AFTPH: variants seen among roughly 807,000 people sequenced by gnomAD.
AFTPH encodes the protein aftiphilin protein.
A neutral mutation model predicts 72.5 loss-of-function variants in AFTPH; 7 were observed. The ratio of observed to expected loss-of-function variants is 0.10; its 90% CI spans 0.05 to 0.18. The LOEUF (loss-of-function observed/expected upper bound fraction) is 0.18, where lower values mean the gene tolerates loss of function less well. Among genes scored for constraint, AFTPH ranks in the 10% least tolerant of loss-of-function variants. AFTPH has a pLI of 1.00. For missense variants in AFTPH, 979 were observed against 1,060.5 expected (o/e 0.92, Z 1.07); for synonymous variants, 337 against 370.1 (o/e 0.91, Z 1.03).
intron 2 of AFTPH, among the ~76,000 whole-genome samples, chr2:64,554,376 T>G (rs1250861790): frequency 6.6e-6 from 1 of 152,230 alleles, no homozygotes; most frequent in Non-Finnish European, 1.5e-5. Context: ...TGAACCTCAC[T>G]GCCTTATACT....
intron 2 of AFTPH, among the ~76,000 whole-genome samples, chr2:64,553,715 A>C (rs962587231): frequency 4.0e-5 from 6 of 151,668 alleles, no homozygotes; most frequent in Middle Eastern, 3.2e-3. Flanking sequence ...AAAAAAAAAA[A>C]AAAACCCACA....
chr2:64,560,905 C>T (rs935735763), intron 2 of AFTPH, among the ~76,000 whole-genome samples: 1 of 152,112 alleles, frequency 6.6e-6, no homozygotes, highest in African/African-American at 2.4e-5. Flanking sequence ...AATAGGGAGG[C>T]AAATCAGAAT....
At chr2:64,549,828 A>G (rs775266721) in intron 1 of AFTPH, among the ~76,000 whole-genome samples, 2 of 152,240 alleles carry the variant, frequency 1.3e-5, no homozygotes, top group Non-Finnish European at 2.9e-5. Context: ...ATACACCAAA[A>G]TAAGTTCTAG....
At chr2:64,564,690 T>A (rs1189684655) in intron 2 of AFTPH, among the ~76,000 whole-genome samples, 1 of 152,148 alleles carries the variant, frequency 6.6e-6, no homozygotes, top group Non-Finnish European at 1.5e-5. Flanking sequence ...TAGCCCTCTA[T>A]TGAAGTGTTA....
intron 1 of AFTPH, among the ~76,000 whole-genome samples, chr2:64,534,742 G>GT (rs70937351): frequency 0.025 from 3,542 of 139,980 alleles, 54 homozygotes; most frequent in Non-Finnish European, 0.036. Context: ...CTTTAAGCTT[G>GT]TTTTTTTTTT....
At position 64,541,966 on chromosome 2, in the gene AFTPH, A is replaced by G. The variant is rs142589530; in HGVS notation, c.-32-9477A>G. The stretch of plus-strand genomic sequence containing the variant: ...TACAGTTGTTTTTCTTCTCCCTTTT[A>G]TCACCATCCTTCTTTCTACAATATC... On this transcript the variant is annotated intron_variant, in intron 1 of 8. Coordinates refer to ENST00000238856, the Ensembl canonical transcript of AFTPH. Among the ~76,000 whole-genome samples the G allele has an allele frequency of 1.5e-3, 235 of 152,252 alleles. 1 individual carries two copies. Among genetic ancestry groups the G allele is most frequent in the African/African-American group, 3.8e-3 (159 of 41,540 alleles).
chr2:64,589,450 G>A (rs1412803522), intron 8 of AFTPH, among the ~76,000 whole-genome samples: 2 of 152,072 alleles, frequency 1.3e-5, no homozygotes, highest in East Asian at 1.9e-4. Flanking sequence ...TCAAAATTAG[G>A]TCACTGCCTT....
intron 2 of AFTPH, among the ~76,000 whole-genome samples, chr2:64,560,603 T>C (rs905590068): frequency 2.0e-5 from 3 of 152,174 alleles, no homozygotes; most frequent in African/African-American, 7.2e-5. Flanking sequence ...CCGGGCATGG[T>C]GGCTCATGCC....
chr2:64,551,858 G>A, exon 2 of AFTPH: 1 of 1,613,800 alleles, frequency 6.2e-7, no homozygotes, highest in Non-Finnish European at 8.5e-7. Flanking sequence ...TTGATGGCAT[G>A]GAAAGACCAG....
intron 5 of AFTPH, among the ~76,000 whole-genome samples, chr2:64,571,274 T>C (rs1174946990): frequency 6.1e-5 from 7 of 115,256 alleles, no homozygotes; most frequent in Non-Finnish European, 7.8e-5. Context: ...CCCACCCCCC[T>C]GTTTCTTTTT....
At chr2:64,576,511 TTGTG>T (rs767885083) in intron 6 of AFTPH, among the ~76,000 whole-genome samples, 4 of 152,238 alleles carry the variant, frequency 2.6e-5, no homozygotes, top group African/African-American at 4.8e-5. Context: ...TTTTTTGGGA[TTGTG>T]TGTGTGTTTT....
exon 2 of AFTPH, chr2:64,551,753 T>G: frequency 1.2e-6 from 2 of 1,613,768 alleles, no homozygotes; most frequent in Middle Eastern, 1.7e-4. Flanking sequence ...AGGACATCAC[T>G]GCTGAACTTT....
At chr2:64,527,892 G>T (rs1669375077) in intron 1 of AFTPH, among the ~76,000 whole-genome samples, 1 of 152,168 alleles carries the variant, frequency 6.6e-6, no homozygotes, top group Non-Finnish European at 1.5e-5. Flanking sequence ...TAGGGTAGGG[G>T]CTCATAGGTC....
intron 5 of AFTPH, 105 bp downstream of exon 5, chr2:64,569,784 G>A: frequency 9.6e-7 from 1 of 1,045,146 alleles, no homozygotes; most frequent in Non-Finnish European, 1.5e-6. Context: ...GACATTTAGT[G>A]TTGGAATCTG....
intron 2 of AFTPH, among the ~76,000 whole-genome samples, chr2:64,558,697 T>A (rs1281355420): frequency 6.6e-6 from 1 of 152,262 alleles, no homozygotes; most frequent in African/African-American, 2.4e-5. Flanking sequence ...GCATAATTTA[T>A]TGCTGTGCAT....
intron 6 of AFTPH, among the ~76,000 whole-genome samples, chr2:64,573,450 AAAG>A (rs1312215516): frequency 2.0e-5 from 3 of 151,654 alleles, no homozygotes; most frequent in African/African-American, 7.3e-5. Flanking sequence ...AAAAAAAAGA[AAAG>A]AAAAAAGGAA....
chr2:64,551,701 A>C (rs751481450), exon 2 of AFTPH: 1 of 1,613,900 alleles, frequency 6.2e-7, no homozygotes, highest in Admixed American at 1.7e-5. Context: ...GAAAATGTAG[A>C]TAGCCTTACA....
At chr2:64,582,350 C>T (rs900884739) in intron 7 of AFTPH, among the ~76,000 whole-genome samples, 2 of 152,118 alleles carry the variant, frequency 1.3e-5, no homozygotes, top group Admixed American at 1.3e-4. Context: ...AACCTGGGAC[C>T]TAGGATGCCC....
At chr2:64,526,204 G>A (rs1280834032) in intron 1 of AFTPH, among the ~76,000 whole-genome samples, 1 of 152,188 alleles carries the variant, frequency 6.6e-6, no homozygotes, top group Non-Finnish European at 1.5e-5. Flanking sequence ...TATGAAAATT[G>A]TATAGTGTGG....
Sources: allele counts gnomAD v4.1 joint callset (sites outside exome capture counted in the v4.1 genomes callset), GRCh38; gene constraint gnomAD v4.1.1; transcripts MANE v1.5; gene names NCBI Gene and HGNC (gene_info 2026-07-23, HGNC 2026-07-21).